Variants in MAF observed in about 807,000 individuals in gnomAD.
The protein encoded by MAF is transcription factor Maf.
A neutral mutation model predicts 22.0 loss-of-function variants in MAF; 10 were observed. The ratio of observed to expected loss-of-function variants is 0.45; its 90% CI spans 0.28 to 0.77. The LOEUF is 0.77. MAF is among the 30% of genes least tolerant of loss of function. MAF has a pLI of 0.12. For synonymous variants in MAF, 337 were observed against 255.8 expected, an observed-to-expected ratio of 1.32 and a Z score of -3.03; for missense variants, 544 against 548.4, an observed-to-expected ratio of 0.99 and a Z score of 0.08.
chr16:79,393,233 T>A, the MAF span, among the ~76,000 whole-genome samples: 2 of 152,204 alleles, frequency 1.3e-5, no homozygotes, highest in Non-Finnish European at 2.9e-5. Context: ...AACAAAGGCT[T>A]CCACAATTCC....
chr16:79,276,684 A>G, the MAF span, among the ~76,000 whole-genome samples: 1 of 152,110 alleles, frequency 6.6e-6, no homozygotes, highest in African/African-American at 2.4e-5. Flanking sequence ...CTGAGAAAGG[A>G]TGGTCATGGT....
intron 1 of MAF, chr16:79,597,837 A>G: frequency 9.7e-7 from 1 of 1,028,070 alleles, no homozygotes; most frequent in Non-Finnish European, 1.2e-6. Flanking sequence ...CTTTTCCATA[A>G]AGTCTTTGAA....
chr16:79,463,861 C>T, the MAF span, among the ~76,000 whole-genome samples: 1 of 150,654 alleles, frequency 6.6e-6, no homozygotes, highest in East Asian at 1.9e-4. Context: ...TTGTTTTTTG[C>T]AGGTGTGGTG....
the MAF span, among the ~76,000 whole-genome samples, chr16:79,580,806 T>C: frequency 4.4e-5 from 3 of 67,548 alleles, no homozygotes; most frequent in Non-Finnish European, 1.4e-4. Context: ...TGTTCCAGGC[T>C]TTAAAAGGAG....
the MAF span, among the ~76,000 whole-genome samples, chr16:79,304,662 T>C: frequency 6.6e-6 from 1 of 152,146 alleles, no homozygotes; most frequent in African/African-American, 2.4e-5. Context: ...TTCTTAAACA[T>C]CAAGCCAGAC....
At chr16:79,509,448 G>A in the MAF span, among the ~76,000 whole-genome samples, 3 of 152,340 alleles carry the variant, frequency 2.0e-5, no homozygotes, top group Admixed American at 6.5e-5. Flanking sequence ...GAGCTCGAAT[G>A]TTTACACAGC....
the MAF span, chr16:79,212,981 G>GTTATT: frequency 6.6e-6 from 1 of 152,116 alleles, no homozygotes; most frequent in Non-Finnish European, 1.5e-5. Flanking sequence ...CTTACAGTGA[G>GTTATT]TTATTTTAGT....
the MAF span, among the ~76,000 whole-genome samples, chr16:79,503,879 T>C: frequency 2.6e-5 from 4 of 152,356 alleles, no homozygotes; most frequent in African/African-American, 9.6e-5. Context: ...ATTTCTTAAG[T>C]GTTGATTTGT....
the MAF span, among the ~76,000 whole-genome samples, chr16:79,482,592 T>A: frequency 6.6e-6 from 1 of 152,140 alleles, no homozygotes; most frequent in African/African-American, 2.4e-5. Flanking sequence ...CACCACCTGC[T>A]CCTTCCCACA....
chr16:79,507,309 G>C, the MAF span, among the ~76,000 whole-genome samples: 1 of 149,654 alleles, frequency 6.7e-6, no homozygotes, highest in Admixed American at 6.7e-5. Flanking sequence ...GTGGAGACCA[G>C]GTTTCATTGT....
chr16:79,246,086 T>C, the MAF span, among the ~76,000 whole-genome samples: 1 of 152,058 alleles, frequency 6.6e-6, no homozygotes, highest in Admixed American at 6.6e-5. Flanking sequence ...AGGGATAGCA[T>C]TAGGAGAAAT....
Position 79,596,134 on chromosome 16 carries a change from T to C in MAF, c.1119-1581A>G, listed in dbSNP as rs111625084. 12 of 1,062,460 alleles carry C rather than the reference T, an allele frequency of 1.1e-5. No individual in the cohort carries two copies. In the African/African-American group the frequency reaches 1.6e-4, roughly 15 times the overall value. 65.8% of individuals were successfully genotyped at this position (1,062,460 alleles called of 1,614,324 possible). A position where few individuals can be genotyped will look rare whatever the true frequency, so the allele number is the denominator to read the frequency against. On this transcript the variant is annotated intron_variant, in intron 1 of 1. Transcript: ENST00000326043. ...CATATTTGTCCGGCTCCTCTGTCTA[T>C]GGATGGCTTTGCTCCTGATCAGAAG...
the MAF span, among the ~76,000 whole-genome samples, chr16:79,421,062 G>A: frequency 6.6e-6 from 1 of 151,800 alleles, no homozygotes; most frequent in Admixed American, 6.6e-5. Context: ...TTGAGAGAGA[G>A]AGATTTATTA....
the MAF span, among the ~76,000 whole-genome samples, chr16:79,534,458 A>T: frequency 6.6e-6 from 1 of 152,146 alleles, no homozygotes; most frequent in South Asian, 2.1e-4. Flanking sequence ...CTAAGCACTC[A>T]CATACAGGTG....
At chr16:79,203,930 C>G in the MAF span, 1 of 152,124 alleles carries the variant, frequency 6.6e-6, no homozygotes, top group Non-Finnish European at 1.5e-5. Context: ...TTCAAATAAA[C>G]ACACACTAAA....
At chr16:79,241,745 A>T in the MAF span, among the ~76,000 whole-genome samples, 1 of 152,046 alleles carries the variant, frequency 6.6e-6, no homozygotes, top group Non-Finnish European at 1.5e-5. Context: ...TGCTTATCAG[A>T]TTCACCAAGG....
the MAF span, among the ~76,000 whole-genome samples, chr16:79,577,311 T>C: frequency 6.6e-6 from 1 of 151,998 alleles, no homozygotes; most frequent in Non-Finnish European, 1.5e-5. Context: ...TGTGCTGAGG[T>C]GAAAAACGGG....
downstream of MAF, among the ~76,000 whole-genome samples, chr16:79,589,804 GC>G (rs1962793037): frequency 6.6e-6 from 1 of 152,212 alleles, no homozygotes; most frequent in African/African-American, 2.4e-5. Flanking sequence ...GGGTGCGGGA[GC>G]TTGGGTGGGC....
the MAF span, among the ~76,000 whole-genome samples, chr16:79,488,998 G>T: frequency 2.0e-5 from 3 of 152,160 alleles, no homozygotes; most frequent in African/African-American, 7.2e-5. Flanking sequence ...GAAGCCAGAG[G>T]GAGAGATGAA....
Sources: gnomAD v4.1 joint callset for allele counts (sites outside exome capture counted in the v4.1 genomes callset) on GRCh38, gnomAD v4.1.1 for gene constraint, MANE v1.5 for transcripts, NCBI Gene and HGNC (gene_info 2026-07-23, HGNC 2026-07-21) for gene names.